The following TBX5 variants were observed in gnomAD, a reference collection of about 807,000 sequenced individuals.
The protein encoded by TBX5 is T-box transcription factor 5.
TBX5 carries 8 observed loss-of-function variants against 51.1 expected under a neutral mutation model. The observed-to-expected ratio is 0.16, with a 90% CI of 0.09 to 0.28. The LOEUF (loss-of-function observed/expected upper bound fraction) is 0.28, where lower values mean the gene tolerates loss of function less well. Ranked by LOEUF, TBX5 falls within the 10% of genes least tolerant of loss-of-function variation. The probability of loss-of-function intolerance (pLI) is 1.00; values close to 1 mark genes in which losing one functional copy is unlikely to be tolerated. For synonymous variants in TBX5, 302 were observed against 266.4 expected (o/e 1.13, Z -1.30); for missense variants, 589 against 671.7 (o/e 0.88, Z 1.36).
Position 114,354,079 on chromosome 12 carries a change from C to T in TBX5, c.*1453G>A, listed in dbSNP as rs1377815478. 4.4e-4 allele frequency: 67 copies of T among 152,496 alleles called. 1 individual carries two copies. The highest frequency in any genetic ancestry group is 1.2e-4 in the African/African-American group (5 of 41,480). The allele number at this position is 152,496 out of a possible 1,614,324, so 9.4% of individuals were successfully genotyped here. On this transcript the variant is annotated 3_prime_UTR_variant, in exon 9 of 9. Transcript: ENST00000405440. The stretch of plus-strand genomic sequence containing the variant: ...TTACAAACACACTCACACTCTCTCA[C>T]GTACTTAAACACACTCAGCCTCACA...
At chr12:114,403,695 A>G in intron 2 of TBX5, 57 bp downstream of exon 2, 7 of 1,593,608 alleles carry the variant, frequency 4.4e-6, no homozygotes, top group Non-Finnish European at 6.0e-6. Context: ...CCGAGCAGGA[A>G]AGCCAGACTC....
intron 7 of TBX5, among the ~76,000 whole-genome samples, chr12:114,376,652 A>T (rs1870207113): frequency 6.7e-6 from 1 of 150,192 alleles, no homozygotes; most frequent in Non-Finnish European, 1.5e-5. Context: ...TTAAATATTT[A>T]TATATATATA....
At position 114,401,838 on chromosome 12, in the gene TBX5, G is replaced by T. The variant is rs1871832255; in HGVS notation, c.230C>A (p.Thr77Asn). Reference protein sequence around the residue: ...FHEVGTEMIITKAGRRMFPSY... With the variant: ...FHEVGTEMIINKAGRRMFPSY... ...CAAACCATCTCACCTTCCAGCCTTG[G>T]TTATGATCATTTCCGTGCCCACTTC... The change falls in exon 3 of 9, where the codon ACC becomes AAC. Residue 77 changes from threonine (T) to asparagine (N), a missense_variant. Physicochemically the swap from Thr to Asn is moderately conservative, Grantham distance 65 (BLOSUM62 0). Around this residue, in one of 7 missense-constraint regions of TBX5, gnomAD observed 13 missense variants for 32.0 expected, o/e 0.41. Coordinates refer to ENST00000405440, the MANE Select transcript of TBX5 (RefSeq NM_181486.4). The T allele has an allele frequency of 6.2e-7, 1 of 1,613,688 alleles. No individual in the cohort carries two copies. The highest frequency in any genetic ancestry group is 8.5e-7 in the Non-Finnish European group (1 of 1,179,976).
At chr12:114,399,780 C>T in intron 3 of TBX5, 148 bp from the exon 4 acceptor site, 1 of 1,338,482 alleles carries the variant, frequency 7.5e-7, no homozygotes, top group South Asian at 1.3e-5. Context: ...AAGATCCATC[C>T]CGGGTTTCCC....
In TBX5 at chr12:114,355,915, T is replaced by C; in HGVS notation, c.1174A>G (p.Ser392Gly). The change falls in exon 9 of 9, where the codon AGC (serine) becomes GGC (glycine). Residue 392 changes from serine to glycine, a missense_variant. Around this residue, in one of 7 missense-constraint regions of TBX5, gnomAD observed 348 missense variants for 360.4 expected, o/e 0.97. Transcript: ENST00000405440. ...SSAPPSEPVPSLEDISCNTWP... is the reference protein window; with the variant it reads ...SSAPPSEPVPGLEDISCNTWP... ...GTGTTGCAGCTGATGTCCTCTAGGC[T>C]GGGCACAGGCTCGCTGGGGGGCGCA... 6.2e-7 allele frequency: 1 copy of C among 1,613,858 alleles called. No individual in the cohort carries two copies. Among genetic ancestry groups the C allele is most frequent in the South Asian group, 1.1e-5 (1 of 91,082 alleles).
intron 8 of TBX5, among the ~76,000 whole-genome samples, chr12:114,361,063 T>C (rs1869214615): frequency 6.6e-6 from 1 of 152,154 alleles, no homozygotes. Flanking sequence ...TAGCACAGTG[T>C]CCATTATACA....
chr12:114,364,124 C>T (rs746749143), intron 8 of TBX5, among the ~76,000 whole-genome samples: 31 of 152,214 alleles, frequency 2.0e-4, no homozygotes, highest in African/African-American at 5.3e-4. Context: ...TCCTTTAAAA[C>T]GCAAGATTGG....
chr12:114,407,081 G>A, upstream of TBX5: 1 of 985,386 alleles, frequency 1.0e-6, no homozygotes. Context: ...AAGGGATGGA[G>A]GGAGGAGAAA....
chr12:114,358,860 C>T (rs1869070884), intron 8 of TBX5, among the ~76,000 whole-genome samples: 1 of 152,038 alleles, frequency 6.6e-6, no homozygotes, highest in South Asian at 2.1e-4. Context: ...TCACCACCTC[C>T]TCCCTTGATT....
intron 6 of TBX5, among the ~76,000 whole-genome samples, chr12:114,392,956 C>T (rs192588616): frequency 1.7e-4 from 26 of 152,244 alleles, no homozygotes; most frequent in South Asian, 4.1e-4. Flanking sequence ...GTTTTCTTTC[C>T]GAGGGCAGGA....
At chr12:114,392,166 C>T (rs1871182760) in intron 6 of TBX5, among the ~76,000 whole-genome samples, 1 of 132,854 alleles carries the variant, frequency 7.5e-6, no homozygotes, top group South Asian at 2.7e-4. Flanking sequence ...CACACGATTC[C>T]CTGGATTGCG....
At chr12:114,389,562 G>T (rs974385264) in intron 6 of TBX5, among the ~76,000 whole-genome samples, 6 of 149,518 alleles carry the variant, frequency 4.0e-5, no homozygotes, top group Non-Finnish European at 8.9e-5. Context: ...AGACCATCCC[G>T]GCTAAAACGG....
rs773397553 is a variant in TBX5 at position 114,403,859 on chromosome 12, G to A, written c.40C>T (p.Pro14Ser). 3 of 1,613,860 alleles carry A rather than the reference G, an allele frequency of 1.9e-6. No individual in the cohort carries two copies. Among genetic ancestry groups the A allele is most frequent in the Non-Finnish European group, 2.5e-6 (3 of 1,179,990 alleles). ...AGGTCTTTTGCGTCAGGCTCCAGAG[G>A]CGTGTGCGCCAGGCCAAAGCCCTCG... ...ADEGFGLAHT[P>S]LEPDAKDLPC... The change falls in exon 2 of 9, where the codon CCT becomes TCT. Residue 14 changes from proline to serine, a missense_variant. Pro to Ser is a moderately conservative substitution (Grantham distance 74). Coordinates refer to ENST00000405440, the MANE Select transcript of TBX5 (RefSeq NM_181486.4).
At chr12:114,404,712 G>T (rs1433688394) in intron 1 of TBX5, among the ~76,000 whole-genome samples, 1 of 152,110 alleles carries the variant, frequency 6.6e-6, no homozygotes, top group Non-Finnish European at 1.5e-5. Context: ...CTGGGTGCCC[G>T]CCACCAGCGC....
At chr12:114,380,813 G>A (rs546643604) in intron 7 of TBX5, among the ~76,000 whole-genome samples, 37 of 151,276 alleles carry the variant, frequency 2.4e-4, no homozygotes, top group African/African-American at 7.5e-4. Context: ...TGGATGGCAG[G>A]GAAAGACCCT....
At chr12:114,396,605 C>A (rs1217200028) in intron 5 of TBX5, among the ~76,000 whole-genome samples, 1 of 152,084 alleles carries the variant, frequency 6.6e-6, no homozygotes, top group Non-Finnish European at 1.5e-5. Flanking sequence ...AGAGAGACCC[C>A]AAAGGCACTC....
rs77940873 is a variant in TBX5 at position 114,391,020 on chromosome 12, T to C, written c.663+3721A>G. ...AGGGGCCCAGTGGTATATGGGTATG[T>C]GATTGCAGCCTAAGAAATGAACCAT... On this transcript the variant is annotated intron_variant, in intron 6 of 8. Coordinates refer to ENST00000405440, the MANE Select transcript of TBX5 (RefSeq NM_181486.4). 2.8e-3 allele frequency among the ~76,000 whole-genome samples: 432 copies of C among 152,314 alleles called. 2 individuals carry two copies. The East Asian group carries it at 0.054, about 19-fold the overall frequency.
intron 1 of TBX5, among the ~76,000 whole-genome samples, chr12:114,405,408 C>T (rs1367243378): frequency 6.6e-6 from 1 of 152,184 alleles, no homozygotes; most frequent in Non-Finnish European, 1.5e-5. Context: ...TGCGGTTTGA[C>T]AGAACCAGGC....
At chr12:114,364,673 G>C (rs1006926494) in intron 8 of TBX5, among the ~76,000 whole-genome samples, 34 of 152,216 alleles carry the variant, frequency 2.2e-4, no homozygotes, top group Non-Finnish European at 5.0e-4. Flanking sequence ...CCAGTCCAAA[G>C]ACAAGAGGCA....
Sources: gnomAD v4.1 joint callset for allele counts (sites outside exome capture counted in the v4.1 genomes callset) on GRCh38, gnomAD v4.1.1 for gene constraint, gnomAD v4.1.1 regional missense constraint, MANE v1.5 for transcripts, NCBI Gene and HGNC (gene_info 2026-07-23, HGNC 2026-07-21) for gene names.